FAM153A: variants seen among roughly 807,000 people sequenced by gnomAD.
The protein encoded by FAM153A is family with sequence similarity 153 member A.
A neutral mutation model predicts 48.1 loss-of-function variants in FAM153A; 12 were observed. The ratio of observed to expected loss-of-function variants is 0.25; its 90% confidence interval spans 0.16 to 0.40. The LOEUF is 0.40. FAM153A is among the 10% of genes least tolerant of loss of function. The pLI is 1.00. For missense variants in FAM153A, 111 were observed against 345.8 expected (o/e 0.32, Z 5.38); for synonymous variants, 36 against 118.2 (o/e 0.30, Z 4.51).
chr5:177,705,665 T>C (rs1417344505), downstream of FAM153A, among the ~76,000 whole-genome samples: 48 of 134,256 alleles, frequency 3.6e-4, no homozygotes, highest in East Asian at 1.5e-3. Flanking sequence ...TTTCTTTTTT[T>C]TTTTTTTTTT....
At chr5:177,722,506 T>G (rs1229405183), downstream of FAM153A, 1 of 146,702 alleles carries the variant, frequency 6.8e-6, no homozygotes, top group Non-Finnish European at 1.5e-5. Flanking sequence ...ATGATCACGA[T>G]CCACATCAAG....
At chr5:177,755,639 G>C (rs1767653956), upstream of FAM153A, among the ~76,000 whole-genome samples, 1 of 151,756 alleles carries the variant, frequency 6.6e-6, no homozygotes, top group African/African-American at 2.4e-5. Flanking sequence ...CTGATCTCTT[G>C]GCATAAACTC....
the FAM153A span, among the ~76,000 whole-genome samples, chr5:177,702,059 C>T: frequency 6.6e-6 from 1 of 151,720 alleles, no homozygotes; most frequent in East Asian, 1.9e-4. Flanking sequence ...AGGCGCCCGC[C>T]ATCACGCCCG....
intron 26 of FAM153A, among the ~76,000 whole-genome samples, chr5:177,713,577 C>T (rs1386666583): frequency 1.3e-5 from 2 of 151,562 alleles, no homozygotes; most frequent in African/African-American, 2.4e-5. Flanking sequence ...TTTTCTTTGT[C>T]TAAATGACTG....
the FAM153A span, among the ~76,000 whole-genome samples, chr5:177,701,195 C>T: frequency 6.6e-6 from 1 of 151,762 alleles, no homozygotes; most frequent in African/African-American, 2.4e-5. Flanking sequence ...CGAGGCCTCC[C>T]CAGAAGCAGA....
the FAM153A span, among the ~76,000 whole-genome samples, chr5:177,695,854 CA>C: frequency 1.3e-5 from 2 of 149,082 alleles, no homozygotes; most frequent in Non-Finnish European, 3.0e-5. Flanking sequence ...CGGGCAGAGG[CA>C]CTCCTCACTT....
At chr5:177,694,729 TG>T in the FAM153A span, among the ~76,000 whole-genome samples, 2 of 94,874 alleles carry the variant, frequency 2.1e-5, no homozygotes, top group Non-Finnish European at 4.1e-5. Context: ...TGGTGATAGC[TG>T]GGTGCAGGAA....
Position 177,736,560 on chromosome 5 carries a change from A to G in FAM153A, c.664+19T>C. The G allele has an allele frequency of 1.5e-6, 2 of 1,359,972 alleles. No homozygotes were observed. The highest frequency in any genetic ancestry group is 2.0e-6 in the Non-Finnish European group (2 of 992,522). The allele number at this position is 1,359,972 out of a possible 1,614,324, so 84.2% of individuals were successfully genotyped here. ...TAATATTTTGAACCTAAACAAAGAGATGATCCCAGAATACGTACATTCGGC... is the reference window on the plus strand; with the variant it reads ...TAATATTTTGAACCTAAACAAAGAGGTGATCCCAGAATACGTACATTCGGC... On this transcript the variant is annotated intron_variant, in intron 12 of 20. Coordinates refer to ENST00000614127, the Ensembl canonical transcript of FAM153A.
intron 1 of FAM153A, among the ~76,000 whole-genome samples, chr5:177,759,407 GC>G (rs1224483814): frequency 6.6e-6 from 1 of 151,766 alleles, no homozygotes; most frequent in East Asian, 1.9e-4. Flanking sequence ...AGAGAGAGTG[GC>G]AATTCCTCAG....
chr5:177,695,696 T>C, the FAM153A span, among the ~76,000 whole-genome samples: 4 of 151,706 alleles, frequency 2.6e-5, no homozygotes, highest in African/African-American at 9.7e-5. Flanking sequence ...TCTCTTTCTT[T>C]TCCCCACATT....
chr5:177,759,992 G>A (rs1768156632), intron 1 of FAM153A, among the ~76,000 whole-genome samples: 3 of 147,500 alleles, frequency 2.0e-5, no homozygotes, highest in Non-Finnish European at 4.5e-5. Context: ...AAAAAAAACT[G>A]CATTAACATA....
At chr5:177,706,093 T>A (rs191590629), downstream of FAM153A, among the ~76,000 whole-genome samples, 1 of 151,958 alleles carries the variant, frequency 6.6e-6, no homozygotes, top group Non-Finnish European at 1.5e-5. Context: ...GTCAAAAGAC[T>A]TTTTTGTAGA....
chr5:177,705,697 T>C (rs555439273), downstream of FAM153A, among the ~76,000 whole-genome samples: 562 of 138,050 alleles, frequency 4.1e-3, 2 homozygotes, highest in Non-Finnish European at 7.6e-3. Context: ...GTCTTGCTTG[T>C]CACCCAGGCT....
intron 25 of FAM153A, among the ~76,000 whole-genome samples, chr5:177,714,358 T>C (rs1759170907): frequency 6.6e-6 from 1 of 151,884 alleles, no homozygotes; most frequent in Admixed American, 6.6e-5. Context: ...GTTAAATTCT[T>C]CTTTTGAGGT....
At chr5:177,698,858 A>C in the FAM153A span, among the ~76,000 whole-genome samples, 2 of 151,782 alleles carry the variant, frequency 1.3e-5, no homozygotes, top group South Asian at 2.1e-4. Context: ...GGCTTTCGCC[A>C]TGTTGCCCAG....
downstream of FAM153A, among the ~76,000 whole-genome samples, chr5:177,707,283 G>A (rs917912734): frequency 1.3e-5 from 2 of 151,750 alleles, no homozygotes; most frequent in African/African-American, 4.9e-5. Flanking sequence ...CACATTTTAG[G>A]CCACAAAACA....
the FAM153A span, among the ~76,000 whole-genome samples, chr5:177,695,910 A>ATGATGGGCGGCCGGG: frequency 8.8e-6 from 1 of 113,264 alleles, no homozygotes; most frequent in East Asian, 2.3e-4. Context: ...CACTTCCCAG[A>ATGATGGGCGGCCGGG]CAGGGTGGCC....
chr5:177,757,708 C>T (rs2127707332), upstream of FAM153A, among the ~76,000 whole-genome samples: 1 of 151,346 alleles, frequency 6.6e-6, no homozygotes, highest in East Asian at 1.9e-4. Flanking sequence ...AGCATATAAA[C>T]AGAACCAAAG....
chr5:177,752,496 C>A (rs1424207419), intron 1 of FAM153A, among the ~76,000 whole-genome samples: 17 of 142,178 alleles, frequency 1.2e-4, no homozygotes, highest in Admixed American at 4.2e-4. Context: ...TGGCAGGCAC[C>A]CGTAGTCCCA....
Sources: allele counts gnomAD v4.1 joint callset (sites outside exome capture counted in the v4.1 genomes callset), GRCh38; gene constraint gnomAD v4.1.1; transcripts MANE v1.5; gene names NCBI Gene and HGNC (gene_info 2026-07-23, HGNC 2026-07-21).